The following ST3GAL3 variants were observed in gnomAD, a reference collection of about 807,000 sequenced individuals.
The protein encoded by ST3GAL3 is ST3 beta-galactoside alpha-2,3-sialyltransferase 3.
In ST3GAL3, 21 loss-of-function variants were observed where a neutral mutation model predicts 50.1. That is an observed-to-expected ratio of 0.42 (90% CI 0.30 to 0.60). The LOEUF is 0.60. Ranked by LOEUF, ST3GAL3 falls within the 20% of genes least tolerant of loss-of-function variation. ST3GAL3 has a pLI of 0.19. For missense variants in ST3GAL3, 353 were observed against 489.4 expected (o/e 0.72, Z 2.63); for synonymous variants, 183 against 190.0 (o/e 0.96, Z 0.30).
chr1:43,760,123 AAGT>A (rs1261758650), intron 2 of ST3GAL3, among the ~76,000 whole-genome samples: 1 of 152,220 alleles, frequency 6.6e-6, no homozygotes, highest in Non-Finnish European at 1.5e-5. Context: ...ATGATAGACA[AAGT>A]ATGGTTATTT....
Position 43,726,034 on chromosome 1 carries a change from G to T in ST3GAL3, c.-30-10199G>T, listed in dbSNP as rs558814572. ...TTTTAAGTTTATGCAGCCATTTAAAGTGGCTGCATAAACTCTCATTTAGAT... is the reference window on the plus strand; with the variant it reads ...TTTTAAGTTTATGCAGCCATTTAAATTGGCTGCATAAACTCTCATTTAGAT... On this transcript the variant is annotated intron_variant, in intron 1 of 11. Coordinates refer to ENST00000347631, the MANE Select transcript of ST3GAL3 (RefSeq NM_006279.5). Among the ~76,000 whole-genome samples, 5 of 152,132 alleles carry T rather than the reference G, an allele frequency of 3.3e-5. No homozygotes were observed. The South Asian group carries it at 8.3e-4, about 25-fold the overall frequency.
At chr1:43,868,556 G>C (rs2906461) in intron 5 of ST3GAL3, among the ~76,000 whole-genome samples, 137,761 of 152,248 alleles carry the variant, frequency 0.9, 62,539 homozygotes, top group African/African-American at 0.96. Context: ...CTGGGCATAC[G>C]CAAAGCAGGG....
At chr1:43,732,814 A>G (rs1676519665) in intron 1 of ST3GAL3, among the ~76,000 whole-genome samples, 1 of 152,164 alleles carries the variant, frequency 6.6e-6, no homozygotes, top group Non-Finnish European at 1.5e-5. Flanking sequence ...AAAAAGTCAT[A>G]GGAATAGAAA....
Position 43,898,259 on chromosome 1 carries a change from C to T in ST3GAL3, c.422C>T (p.Ser141Leu). The T allele has an allele frequency of 1.2e-6, 2 of 1,613,934 alleles. No individual in the cohort carries two copies. Among genetic ancestry groups the T allele is most frequent in the African/African-American group, 1.3e-5 (1 of 75,056 alleles). Reference sequence around the variant, plus strand: ...GACAATCTGATCAAAGCCATCTTGTCAGTCACCAAAGAGTACCGCCTGACC... The same window carrying T: ...GACAATCTGATCAAAGCCATCTTGTTAGTCACCAAAGAGTACCGCCTGACC... ...GQDNLIKAIL[S>L]VTKEYRLTPA... Residue 141 changes from serine to leucine, a missense_variant, in exon 7 of 12, where the codon TCA becomes TTA. Transcript: ENST00000347631.
intron 2 of ST3GAL3, among the ~76,000 whole-genome samples, chr1:43,739,802 G>A (rs1680050770): frequency 6.6e-6 from 1 of 152,066 alleles, no homozygotes; most frequent in Non-Finnish European, 1.5e-5. Context: ...TTTGTCTTGG[G>A]TAGTTTAGAG....
At chr1:43,916,857 G>A (rs1475453394) in intron 9 of ST3GAL3, 1 of 152,124 alleles carries the variant, frequency 6.6e-6, no homozygotes, top group Non-Finnish European at 1.5e-5. Flanking sequence ...TTACAGGCAT[G>A]AGCCAGCCAC....
At position 43,781,738 on chromosome 1, in the gene ST3GAL3, G is replaced by C. The variant is rs111273969; in HGVS notation, c.119-10364G>C. On this transcript the variant is annotated intron_variant, in intron 2 of 11. Transcript: ENST00000347631. ...TATTTACTGTCCACCTACAGAGAAA[G>C]TTTTTCAACCCCCAACTGAAATCTC... Among the ~76,000 whole-genome samples the C allele has an allele frequency of 5.3e-3, 806 of 152,280 alleles. 16 individuals carry two copies. The highest frequency in any genetic ancestry group is 0.018 in the African/African-American group (749 of 41,554).
chr1:43,867,355 A>T (rs1462360676), intron 5 of ST3GAL3, among the ~76,000 whole-genome samples: 1 of 152,220 alleles, frequency 6.6e-6, no homozygotes, highest in Non-Finnish European at 1.5e-5. Flanking sequence ...CCCAAGAAGA[A>T]GATCATTTCT....
At chr1:43,720,297 T>A (rs181897092) in intron 1 of ST3GAL3, among the ~76,000 whole-genome samples, 63 of 152,314 alleles carry the variant, frequency 4.1e-4, no homozygotes, top group Admixed American at 1.4e-3. Flanking sequence ...TCACTGCTGT[T>A]GGGAATGTAA....
chr1:43,753,174 CAG>C (rs1178473479), intron 2 of ST3GAL3, among the ~76,000 whole-genome samples: 1 of 152,190 alleles, frequency 6.6e-6, no homozygotes, highest in Non-Finnish European at 1.5e-5. Flanking sequence ...ACACTGATAA[CAG>C]AGTATATTCC....
rs559384020 is a variant in ST3GAL3, at chr1:43,788,910, A to G, written c.119-3192A>G. On this transcript the variant is annotated intron_variant, in intron 2 of 11. Coordinates refer to ENST00000347631, the MANE Select transcript of ST3GAL3 (RefSeq NM_006279.5). ...AGAGGTCTTCAAGAAGAAGGGGTCA[A>G]TTGAGTTGGTCTTAATGGAAGAGTG... 4.6e-5 allele frequency among the ~76,000 whole-genome samples: 7 copies of G among 152,112 alleles called. No homozygotes were observed. In the East Asian group the frequency reaches 1.2e-3, roughly 25 times the overall value.
At position 43,751,665 on chromosome 1, in the gene ST3GAL3, C is replaced by G. The variant is rs1025478293; in HGVS notation, c.118+15285C>G. On this transcript the variant is annotated intron_variant, in intron 2 of 11. Coordinates refer to ENST00000347631, the MANE Select transcript of ST3GAL3 (RefSeq NM_006279.5). ...AATCCCACACTTTATTTGTAGGAAG[C>G]TCAAAATCAACAGCAGTAAACATTA... Among the ~76,000 whole-genome samples, 3 of 152,260 alleles carry G rather than the reference C, an allele frequency of 2.0e-5. No homozygotes were observed. In the South Asian group the frequency reaches 6.2e-4, roughly 32 times the overall value.
At chr1:43,710,806 C>A (rs1254583939) in intron 1 of ST3GAL3, among the ~76,000 whole-genome samples, 1 of 152,146 alleles carries the variant, frequency 6.6e-6, no homozygotes, top group African/African-American at 2.4e-5. Context: ...ACTTTTTCTT[C>A]CCATCTAGAT....
intron 2 of ST3GAL3, among the ~76,000 whole-genome samples, chr1:43,745,389 G>A (rs1006445106): frequency 6.6e-6 from 1 of 151,998 alleles, no homozygotes; most frequent in Non-Finnish European, 1.5e-5. Flanking sequence ...AAAAGGAAAG[G>A]GTAAAGTAAT....
chr1:43,781,845 TC>T lies in ST3GAL3; in HGVS notation c.119-10256del, dbSNP rs550111875. On this transcript the variant is annotated intron_variant, in intron 2 of 11. Transcript: ENST00000347631. ...CCTCCCATTTCATAGAGAAAATAAATCTATTGGGCAATCTACTTCTTACTCT... is the reference window on the plus strand; with the variant it reads ...CCTCCCATTTCATAGAGAAAATAAATTATTGGGCAATCTACTTCTTACTCT... 4.3e-4 allele frequency among the ~76,000 whole-genome samples: 65 copies of T among 152,202 alleles called. 1 individual carries two copies. The highest frequency in any genetic ancestry group is 1.4e-3 in the African/African-American group (60 of 41,548).
chr1:43,913,974 G>A (rs2081364359), intron 9 of ST3GAL3: 1 of 152,182 alleles, frequency 6.6e-6, no homozygotes, highest in Non-Finnish European at 1.5e-5. Flanking sequence ...TGCCTTTGTG[G>A]GAGAGAATTT....
chr1:43,739,172 C>G (rs567798512), intron 2 of ST3GAL3: 2 of 152,246 alleles, frequency 1.3e-5, no homozygotes, highest in East Asian at 3.9e-4. Context: ...ATAAGTTACT[C>G]AGATAATCTA....
Position 43,746,061 on chromosome 1 carries a change from T to C in ST3GAL3, c.118+9681T>C, listed in dbSNP as rs573098533. On this transcript the variant is annotated intron_variant, in intron 2 of 11. Coordinates refer to ENST00000347631, the MANE Select transcript of ST3GAL3 (RefSeq NM_006279.5). ...GCCTAACAGCGCAGTTCTTAGAATA[T>C]ATCCCTGTCGTTAAGTGATGCATGA... Among the ~76,000 whole-genome samples, 9 of 152,372 alleles carry C rather than the reference T, an allele frequency of 5.9e-5. No homozygotes were observed. In the East Asian group the frequency reaches 1.7e-3, roughly 29 times the overall value.
intron 1 of ST3GAL3, among the ~76,000 whole-genome samples, chr1:43,720,150 G>A (rs983553513): frequency 6.6e-6 from 1 of 151,794 alleles, no homozygotes; most frequent in Non-Finnish European, 1.5e-5. Context: ...GATCGCTTGA[G>A]CCTAGGAGGT....
Sources: gnomAD v4.1 joint callset for allele counts (sites outside exome capture counted in the v4.1 genomes callset) on GRCh38, gnomAD v4.1.1 for gene constraint, MANE v1.5 for transcripts, NCBI Gene and HGNC (gene_info 2026-07-23, HGNC 2026-07-21) for gene names.